Variants in DHRS12 observed in about 807,000 individuals in gnomAD.
The protein encoded by DHRS12 is dehydrogenase/reductase 12.
DHRS12 carries 29 observed loss-of-function variants against 32.1 expected under a neutral mutation model. The observed-to-expected ratio is 0.90, with a 90% CI of 0.67 to 1.23. The LOEUF (loss-of-function observed/expected upper bound fraction) is 1.23, where lower values mean the gene tolerates loss of function less well. Ranked by LOEUF, DHRS12 falls within the 50% of genes most tolerant of loss-of-function variation. The probability of loss-of-function intolerance (pLI) is 0.00; values close to 1 mark genes in which losing one functional copy is unlikely to be tolerated. For synonymous variants in DHRS12, 150 were observed against 135.9 expected, an observed-to-expected ratio of 1.10 and a Z score of -0.72; for missense variants, 330 against 337.2, an observed-to-expected ratio of 0.98 and a Z score of 0.17.
At chr13:51,795,934 C>T (rs1566306554) in intron 2 of DHRS12, among the ~76,000 whole-genome samples, 1 of 152,206 alleles carries the variant, frequency 6.6e-6, no homozygotes, top group South Asian at 2.1e-4. Context: ...CAGGCACACA[C>T]ACTTCAAGGA....
intron 2 of DHRS12, among the ~76,000 whole-genome samples, chr13:51,798,420 CA>C (rs1381862139): frequency 6.6e-6 from 1 of 152,232 alleles, no homozygotes; most frequent in Non-Finnish European, 1.5e-5. Context: ...ATTATCCCAG[CA>C]AATGCCACAC....
intron 7 of DHRS12, 43 bp from the exon 8 acceptor site, chr13:51,769,336 A>T: frequency 7.1e-7 from 1 of 1,398,874 alleles, no homozygotes; most frequent in Non-Finnish European, 9.4e-7. Flanking sequence ...AGCATTCTCC[A>T]GCAAATGTGG....
At chr13:51,756,391 C>T in the DHRS12 span, 1 of 1,614,146 alleles carries the variant, frequency 6.2e-7, no homozygotes, top group Admixed American at 1.7e-5. Context: ...AGCGCTCCTC[C>T]ATCCCCCTGA....
At chr13:51,797,874 G>C in intron 2 of DHRS12, 3 of 1,535,844 alleles carry the variant, frequency 2.0e-6, no homozygotes, top group Non-Finnish European at 2.6e-6. Flanking sequence ...CTTCTGCTGG[G>C]GCTTGATCTC....
chr13:51,758,132 ATC>A, the DHRS12 span: 90 of 1,279,608 alleles, frequency 7.0e-5, no homozygotes, highest in African/African-American at 1.1e-3. Context: ...GTCATCCTAG[ATC>A]TCTCTCATTC....
intron 7 of DHRS12, among the ~76,000 whole-genome samples, chr13:51,769,807 G>A (rs938624422): frequency 6.6e-6 from 1 of 152,214 alleles, no homozygotes; most frequent in Non-Finnish European, 1.5e-5. Context: ...CAAGCCCCTC[G>A]AGGTGTCCCA....
intron 7 of DHRS12, chr13:51,771,179 G>A (rs1296151652): frequency 4.5e-6 from 7 of 1,547,010 alleles, no homozygotes; most frequent in East Asian, 2.4e-5. Flanking sequence ...AGACAGCGCT[G>A]AGACCAGTTC....
At position 51,791,266 on chromosome 13, in the gene DHRS12, GA is replaced by G. The variant is rs755063907; in HGVS notation, c.127-10del. On this transcript the variant is annotated splice_polypyrimidine_tract_variant and intron_variant, in intron 2 of 8. Transcript: ENST00000444610. ...ATGTGCAGAAAAATGTTCTAAATTAGAAAGCAAAAAAAAAAAAAACCCTTTT... is the reference window on the plus strand; with the variant it reads ...ATGTGCAGAAAAATGTTCTAAATTAGAAGCAAAAAAAAAAAAAACCCTTTT... 17 of 1,106,702 alleles carry G rather than the reference GA, an allele frequency of 1.5e-5. No individual in the cohort carries two copies. The African/African-American group carries it at 3.1e-4, about 20-fold the overall frequency. The allele number at this position is 1,106,702 out of a possible 1,614,324, so 68.6% of individuals were successfully genotyped here. A position where few individuals can be genotyped will look rare whatever the true frequency, so the allele number is the denominator to read the frequency against.
At chr13:51,773,087 G>A (rs1476314025) in intron 6 of DHRS12, 7 of 982,690 alleles carry the variant, frequency 7.1e-6, no homozygotes, top group Admixed American at 6.2e-5. Flanking sequence ...ATATATATCC[G>A]GCTTTTAAAT....
the DHRS12 span, chr13:51,755,579 G>A: frequency 8.0e-6 from 7 of 874,318 alleles, no homozygotes; most frequent in Non-Finnish European, 1.1e-5. Context: ...TTATCCTGGA[G>A]TCACCTCGTG....
chr13:51,802,831 T>G (rs1024863858), intron 1 of DHRS12, among the ~76,000 whole-genome samples: 2 of 152,196 alleles, frequency 1.3e-5, no homozygotes, highest in East Asian at 3.9e-4. Flanking sequence ...CACCAATCTG[T>G]GGTGGATTGG....
At chr13:51,780,054 G>A (rs1954629814) in intron 4 of DHRS12, among the ~76,000 whole-genome samples, 2 of 152,108 alleles carry the variant, frequency 1.3e-5, no homozygotes, top group Non-Finnish European at 2.9e-5. Context: ...GCCCACACCT[G>A]TAGTCCCAGC....
the DHRS12 span, chr13:51,756,557 A>G: frequency 6.8e-7 from 1 of 1,480,872 alleles, no homozygotes. Flanking sequence ...AGGTTGCTCT[A>G]GTTTCTGCTG....
chr13:51,756,108 G>A, the DHRS12 span, among the ~76,000 whole-genome samples: 1 of 152,004 alleles, frequency 6.6e-6, no homozygotes, highest in Non-Finnish European at 1.5e-5. Flanking sequence ...GCAGGAGAGT[G>A]GGGTGGTATC....
At position 51,768,163 on chromosome 13, in the gene DHRS12, G is replaced by A; in HGVS notation, c.*24C>T. On this transcript the variant is annotated 3_prime_UTR_variant, in exon 9 of 9. Coordinates refer to ENST00000444610, the MANE Select transcript of DHRS12 (RefSeq NM_001377533.1). The stretch of plus-strand genomic sequence containing the variant: ...TCTGGTATCTTCTAAGGCAATTCTG[G>A]TACCGCACTGTGTCTGGGTTGGCCT... 1 of 1,536,088 alleles carries A rather than the reference G, an allele frequency of 6.5e-7. No individual in the cohort carries two copies. The highest frequency in any genetic ancestry group is 8.7e-7 in the Non-Finnish European group (1 of 1,146,878).
At chr13:51,803,206 C>A (rs1391308157) in intron 1 of DHRS12, among the ~76,000 whole-genome samples, 1 of 152,144 alleles carries the variant, frequency 6.6e-6, no homozygotes, top group African/African-American at 2.4e-5. Flanking sequence ...GGCCAGGTTG[C>A]CGTGGGAACT....
At chr13:51,772,226 C>T (rs1025138734) in intron 6 of DHRS12, among the ~76,000 whole-genome samples, 2 of 152,164 alleles carry the variant, frequency 1.3e-5, no homozygotes, top group East Asian at 1.9e-4. Context: ...GTCCACAAGT[C>T]GCCTGGGTGA....
chr13:51,785,134 A>G (rs542645907), intron 4 of DHRS12, among the ~76,000 whole-genome samples: 50 of 152,284 alleles, frequency 3.3e-4, no homozygotes, highest in African/African-American at 1.2e-3. Context: ...AGGCTGAGGC[A>G]GGAGAATTGC....
At chr13:51,769,807 G>C (rs938624422) in intron 7 of DHRS12, among the ~76,000 whole-genome samples, 1 of 152,214 alleles carries the variant, frequency 6.6e-6, no homozygotes, top group South Asian at 2.1e-4. Flanking sequence ...CAAGCCCCTC[G>C]AGGTGTCCCA....
Sources: allele counts gnomAD v4.1 joint callset (sites outside exome capture counted in the v4.1 genomes callset), GRCh38; gene constraint gnomAD v4.1.1; transcripts MANE v1.5; gene names NCBI Gene and HGNC (gene_info 2026-07-23, HGNC 2026-07-21).